Variants in UBE2D2 observed in about 807,000 individuals in gnomAD.
UBE2D2 encodes the protein ubiquitin-conjugating enzyme E2 D2.
In UBE2D2, 2 loss-of-function variants were observed where a neutral mutation model predicts 24.2. The observed-to-expected ratio is 0.08, with a 90% CI of 0.03 to 0.26. The LOEUF is 0.26. Ranked by LOEUF, UBE2D2 falls within the 10% of genes least tolerant of loss-of-function variation. The pLI, the probability that UBE2D2 is intolerant of heterozygous loss-of-function variation, is 1.00. For missense variants in UBE2D2, 44 were observed against 177.6 expected (o/e 0.25, Z 4.28); for synonymous variants, 58 against 56.5 (o/e 1.03, Z -0.12).
intron 1 of UBE2D2, among the ~76,000 whole-genome samples, chr5:139,535,218 A>C (rs13358106): frequency 2.0e-5 from 3 of 149,214 alleles, no homozygotes; most frequent in African/African-American, 7.4e-5. Context: ...AGGCAGAGGC[A>C]GGTGGGTCAC....
At chr5:139,624,819 G>A (rs959010175) in intron 6 of UBE2D2, among the ~76,000 whole-genome samples, 9 of 152,196 alleles carry the variant, frequency 5.9e-5, no homozygotes, top group Non-Finnish European at 8.8e-5. Flanking sequence ...GCATAGATAC[G>A]TTTTTGTTTT....
At chr5:139,622,608 G>A (rs1315177604) in intron 5 of UBE2D2, among the ~76,000 whole-genome samples, 1 of 151,388 alleles carries the variant, frequency 6.6e-6, no homozygotes, top group Non-Finnish European at 1.5e-5. Context: ...CTTGTTGGTA[G>A]GCTGGGTGCA....
intron 1 of UBE2D2, among the ~76,000 whole-genome samples, chr5:139,591,073 A>G (rs1210530578): frequency 6.7e-6 from 1 of 149,138 alleles, no homozygotes; most frequent in Non-Finnish European, 1.5e-5. Flanking sequence ...CTGGGATTAC[A>G]GGTGTGAGCC....
intron 1 of UBE2D2, among the ~76,000 whole-genome samples, chr5:139,590,779 C>CTTTTTTTTTTT (rs1561513230): frequency 8.9e-5 from 5 of 56,042 alleles, no homozygotes; most frequent in Admixed American, 1.9e-4. Flanking sequence ...ATTTTCTCTT[C>CTTTTTTTTTTT]TTCTTTTTTT....
At chr5:139,560,199 ATTTT>A (rs34150521), upstream of UBE2D2, among the ~76,000 whole-genome samples, 3 of 107,356 alleles carry the variant, frequency 2.8e-5, no homozygotes, top group Admixed American at 9.8e-5. Flanking sequence ...ACTCTCGGCT[ATTTT>A]TTTTTTTTTT....
At chr5:139,600,549 G>T in intron 2 of UBE2D2, 114 bp downstream of exon 2, 1 of 970,198 alleles carries the variant, frequency 1.0e-6, no homozygotes. Context: ...CCCATGAAGG[G>T]AGCAACTCTA....
At chr5:139,543,561 C>T (rs535071047) in intron 1 of UBE2D2, among the ~76,000 whole-genome samples, 1 of 152,332 alleles carries the variant, frequency 6.6e-6, no homozygotes, top group Non-Finnish European at 1.5e-5. Context: ...GGCGACGACA[C>T]GGGGGACCGG....
intron 1 of UBE2D2, chr5:139,562,117 G>T: frequency 9.5e-7 from 1 of 1,056,816 alleles, no homozygotes; most frequent in Non-Finnish European, 1.3e-6. Flanking sequence ...GCACTTGAGG[G>T]CCATTGTCGG....
intron 1 of UBE2D2, among the ~76,000 whole-genome samples, chr5:139,554,565 C>T (rs1752957171): frequency 6.6e-6 from 1 of 152,152 alleles, no homozygotes; most frequent in Non-Finnish European, 1.5e-5. Flanking sequence ...TGTGTTATTC[C>T]ATCCTCCTGT....
At chr5:139,555,140 G>A (rs1752964268) in intron 1 of UBE2D2, 1 of 152,136 alleles carries the variant, frequency 6.6e-6, no homozygotes, top group South Asian at 2.1e-4. Flanking sequence ...CTGCGTCCCA[G>A]GTTCAAGCGA....
intron 1 of UBE2D2, among the ~76,000 whole-genome samples, chr5:139,543,624 C>A (rs1752786470): frequency 6.6e-6 from 1 of 152,236 alleles, no homozygotes; most frequent in South Asian, 2.1e-4. Context: ...AGCTTTCTCA[C>A]TAGCGACTCG....
intron 1 of UBE2D2, among the ~76,000 whole-genome samples, chr5:139,590,428 CTG>C (rs1753818146): frequency 6.8e-6 from 1 of 147,466 alleles, no homozygotes; most frequent in African/African-American, 2.5e-5. Flanking sequence ...GAGCAAGACT[CTG>C]TCTCAAAAAA....
chr5:139,600,125 C>A, intron 1 of UBE2D2: 1 of 537,470 alleles, frequency 1.9e-6, no homozygotes, highest in African/African-American at 1.9e-5. Flanking sequence ...GTTTTACCTT[C>A]CTGATTGTAT....
intron 1 of UBE2D2, among the ~76,000 whole-genome samples, chr5:139,568,134 A>C (rs981156149): frequency 6.6e-6 from 1 of 151,798 alleles, no homozygotes; most frequent in African/African-American, 2.4e-5. Context: ...ACCTGAGGTC[A>C]GGAGTTCGAG....
chr5:139,548,425 G>A (rs904670513), intron 1 of UBE2D2, among the ~76,000 whole-genome samples: 3 of 151,766 alleles, frequency 2.0e-5, no homozygotes, highest in African/African-American at 7.3e-5. Flanking sequence ...TGAGCCTGCA[G>A]GAAACGATCC....
rs1010444404 is a variant in UBE2D2 at position 139,537,343 on chromosome 5, T to G, written c.-64+10731T>G. On this transcript the variant is annotated intron_variant, in intron 1 of 6. Coordinates refer to the UBE2D2 transcript ENST00000511725. The stretch of plus-strand genomic sequence containing the variant: ...CATTGTGATTGATTGTTATGCTTCT[T>G]AAATATCATTTTTAACAGCTTTATT... 3.3e-5 allele frequency among the ~76,000 whole-genome samples: 5 copies of G among 152,202 alleles called. No homozygotes were observed. The South Asian group carries it at 6.2e-4, about 19-fold the overall frequency.
chr5:139,527,303 G>A (rs1752553073), intron 1 of UBE2D2, among the ~76,000 whole-genome samples: 1 of 152,118 alleles, frequency 6.6e-6, no homozygotes, highest in Non-Finnish European at 1.5e-5. Context: ...TCTCCCCACA[G>A]TAGTTAAGAG....
Position 139,536,912 on chromosome 5 carries a change from A to G in UBE2D2, c.-64+10300A>G, listed in dbSNP as rs576306723. Among the ~76,000 whole-genome samples, 10 of 152,116 alleles carry G rather than the reference A, an allele frequency of 6.6e-5. No homozygotes were observed. In the South Asian group the frequency reaches 1.7e-3, roughly 25 times the overall value. ...TAGTAAACCCAGGCTGGACGAGGTG[A>G]CTCACGCCTGTAATCCCAGCACTTT... On this transcript the variant is annotated intron_variant, in intron 1 of 6. Transcript: ENST00000511725.
At chr5:139,594,794 A>G (rs1046339018) in intron 1 of UBE2D2, among the ~76,000 whole-genome samples, 4 of 152,154 alleles carry the variant, frequency 2.6e-5, no homozygotes, top group Non-Finnish European at 5.9e-5. Context: ...AAACATAATT[A>G]TATATACATT....
Sources: allele counts gnomAD v4.1 joint callset (sites outside exome capture counted in the v4.1 genomes callset), GRCh38; gene constraint gnomAD v4.1.1; transcripts MANE v1.5; gene names NCBI Gene and HGNC (gene_info 2026-07-23, HGNC 2026-07-21).